PCDHGA10: variants seen among roughly 807,000 people sequenced by gnomAD.
PCDHGA10 encodes protocadherin gamma subfamily A, 10.
A neutral mutation model predicts 59.5 loss-of-function variants in PCDHGA10; 42 were observed. The ratio of observed to expected loss-of-function variants is 0.71; its 90% confidence interval spans 0.55 to 0.91. The LOEUF (loss-of-function observed/expected upper bound fraction) is 0.91, where lower values mean the gene tolerates loss of function less well. Among genes scored for constraint, PCDHGA10 ranks in the 40% least tolerant of loss-of-function variants. The probability of loss-of-function intolerance (pLI) is 0.00; values close to 1 mark genes in which losing one functional copy is unlikely to be tolerated. For synonymous variants in PCDHGA10, 511 were observed against 517.2 expected (o/e 0.99, Z 0.16); for missense variants, 1,111 against 1,198.2 (o/e 0.93, Z 1.07).
At chr5:141,428,455 T>C (rs898393760) in intron 1 of PCDHGA10, 61 of 361,572 alleles carry the variant, frequency 1.7e-4, no homozygotes, top group African/African-American at 1.2e-3. Context: ...TTTTCCCAAC[T>C]ACAATGAGGG....
At chr5:141,423,424 T>C in intron 1 of PCDHGA10, 1 of 1,614,004 alleles carries the variant, frequency 6.2e-7, no homozygotes, top group Non-Finnish European at 8.5e-7. Flanking sequence ...TGAAGGCGGG[T>C]TGGCAGGTAT....
chr5:141,466,039 A>G (rs926979550), intron 1 of PCDHGA10, among the ~76,000 whole-genome samples: 1 of 152,122 alleles, frequency 6.6e-6, no homozygotes, highest in Non-Finnish European at 1.5e-5. Context: ...GGAGAACGGC[A>G]TGAACCCAGG....
chr5:141,421,457 C>T (rs377073702), intron 1 of PCDHGA10: 9 of 1,614,014 alleles, frequency 5.6e-6, no homozygotes, highest in African/African-American at 2.7e-5. Flanking sequence ...CAGCTTTTCG[C>T]TGTGAATCCG....
At position 141,491,735 on chromosome 5, in the gene PCDHGA10, G is replaced by C. The variant is rs765837152; in HGVS notation, c.2437-3072G>C. ...TCGGCGCCGCCCCGGGCGACCCCTG[G>C]GGGCGGCACTGGAGAAGCCGCCCGT... On this transcript the variant is annotated intron_variant, in intron 1 of 3. Coordinates refer to ENST00000398610, the MANE Select transcript of PCDHGA10 (RefSeq NM_018913.3). The surrounding 1 kb of genome is among the most constrained non-coding windows in gnomAD (Gnocchi z 6.9). 2.5e-6 allele frequency: 4 copies of C among 1,601,968 alleles called. No homozygotes were observed. In the South Asian group the frequency reaches 4.4e-5, roughly 18 times the overall value.
intron 1 of PCDHGA10, among the ~76,000 whole-genome samples, chr5:141,438,828 A>T (rs1364963084): frequency 6.7e-6 from 1 of 149,956 alleles, no homozygotes; most frequent in Non-Finnish European, 1.5e-5. Context: ...TGCCCAGCTA[A>T]TTTTTTAAAA....
At chr5:141,433,694 G>T (rs539494151) in intron 1 of PCDHGA10, among the ~76,000 whole-genome samples, 1 of 152,126 alleles carries the variant, frequency 6.6e-6, no homozygotes, top group South Asian at 2.1e-4. Flanking sequence ...AAAATTAGCC[G>T]GGCGTGGTGG....
chr5:141,428,168 C>A, intron 1 of PCDHGA10: 1 of 1,551,608 alleles, frequency 6.4e-7, no homozygotes, highest in Non-Finnish European at 8.8e-7. Context: ...GGTTGCTGTG[C>A]GTGACGGAGG....
chr5:141,476,098 G>A lies in PCDHGA10; in HGVS notation c.2437-18709G>A, dbSNP rs1241353656. The A allele has an allele frequency of 4.5e-6, 7 of 1,573,026 alleles. No homozygotes were observed. Among genetic ancestry groups the A allele is most frequent in the Non-Finnish European group, 6.0e-6 (7 of 1,163,102 alleles). ...AGGGACGATCTGGACCCCGCTGAGA[G>A]GAACTGCTTTTGAGTGAGATGGTCC... On this transcript the variant is annotated intron_variant, in intron 1 of 3. Transcript: ENST00000398610. This position sits in a 1 kb window ranked among gnomAD's most constrained non-coding sequence, Gnocchi z 7.6.
At chr5:141,437,999 C>T (rs1230507077) in intron 1 of PCDHGA10, among the ~76,000 whole-genome samples, 1 of 152,062 alleles carries the variant, frequency 6.6e-6, no homozygotes, top group African/African-American at 2.4e-5. Flanking sequence ...CCTCAGCCTC[C>T]CAAATAGCTG....
chr5:141,421,467 G>T (rs1436543181), intron 1 of PCDHGA10: 1 of 1,614,132 alleles, frequency 6.2e-7, no homozygotes, highest in South Asian at 1.1e-5. Flanking sequence ...CTGTGAATCC[G>T]CGAAGCGGCA....
chr5:141,433,194 A>G (rs1170543558), intron 1 of PCDHGA10: 18 of 1,585,754 alleles, frequency 1.1e-5, no homozygotes, highest in Non-Finnish European at 1.5e-5. Context: ...GTGAGTTTAT[A>G]TCAAATCTTC....
At position 141,486,616 on chromosome 5, in the gene PCDHGA10, C is replaced by T. The variant is rs759167270; in HGVS notation, c.2437-8191C>T. On this transcript the variant is annotated intron_variant, in intron 1 of 3. Coordinates refer to ENST00000398610, the MANE Select transcript of PCDHGA10 (RefSeq NM_018913.3). The surrounding 1 kb of genome is among the most constrained non-coding windows in gnomAD (Gnocchi z 5.0). ...TGCTTTGCTCCCTTGCAGCCTCTGA[C>T]CCAGACTCTGGCTTGAATGCGCTTA... is the stretch of plus-strand genomic sequence containing the variant. 2 of 1,613,500 alleles carry T rather than the reference C, an allele frequency of 1.2e-6. No individual in the cohort carries two copies. The highest frequency in any genetic ancestry group is 3.3e-5 in the Admixed American group (2 of 60,004).
In PCDHGA10 at chr5:141,490,963, G is replaced by GC; in HGVS notation, c.2437-3838dup. 6.2e-7 allele frequency: 1 copy of GC among 1,613,760 alleles called. No individual in the cohort carries two copies. On this transcript the variant is annotated intron_variant, in intron 1 of 3. Transcript: ENST00000398610. This position sits in a 1 kb window ranked among gnomAD's most constrained non-coding sequence, Gnocchi z 5.4. ...CCCACGGCCAGACTGGGAACACTCA[G>GC]CCCCCCAGCGTCTCCCTCGCTCTGC...
intron 1 of PCDHGA10, chr5:141,417,732 C>G (rs2096153715): frequency 4.3e-6 from 6 of 1,390,462 alleles, no homozygotes; most frequent in Non-Finnish European, 3.8e-6. Flanking sequence ...AGACCTTGCC[C>G]AGCACACCAG....
chr5:141,419,435 C>T, intron 1 of PCDHGA10: 1 of 1,613,226 alleles, frequency 6.2e-7, no homozygotes, highest in Non-Finnish European at 8.5e-7. Context: ...CGAGCAGCTG[C>T]GCACCTTCGA....
At chr5:141,422,301 G>A (rs777697738) in intron 1 of PCDHGA10, 36 of 1,549,184 alleles carry the variant, frequency 2.3e-5, no homozygotes, top group Non-Finnish European at 3.1e-5. Flanking sequence ...ATTCAATTCT[G>A]GAAAACTCTC....
At chr5:141,502,914 T>G (rs78646636) in intron 2 of PCDHGA10, among the ~76,000 whole-genome samples, 4,865 of 139,540 alleles carry the variant, frequency 0.035, 119 homozygotes, top group South Asian at 0.075. Flanking sequence ...CAGGCTGGAG[T>G]GCAGTGGCAA....
At chr5:141,415,737 A>G in intron 1 of PCDHGA10, 126 bp downstream of exon 1, 1 of 574,948 alleles carries the variant, frequency 1.7e-6, no homozygotes, top group Non-Finnish European at 2.5e-6. Flanking sequence ...GATGTTTATT[A>G]AGGTTTTTTT....
Position 141,490,710 on chromosome 5 carries a change from C to G in PCDHGA10, c.2437-4097C>G, listed in dbSNP as rs1158575765. On this transcript the variant is annotated intron_variant, in intron 1 of 3. Coordinates refer to ENST00000398610, the MANE Select transcript of PCDHGA10 (RefSeq NM_018913.3). The surrounding 1 kb of genome is among the most constrained non-coding windows in gnomAD (Gnocchi z 5.4). ...ACACTGGGGATAATGCCCGCCTCAC[C>G]TACTCCATTGTAGGAAATCAGGTTC... 6.2e-7 allele frequency: 1 copy of G among 1,614,208 alleles called. No homozygotes were observed. The highest frequency in any genetic ancestry group is 8.5e-7 in the Non-Finnish European group (1 of 1,180,030).
Sources: gnomAD v4.1 joint callset for allele counts (sites outside exome capture counted in the v4.1 genomes callset) on GRCh38, gnomAD v4.1.1 for gene constraint, Gnocchi (gnomAD v3.1) non-coding constraint, MANE v1.5 for transcripts, NCBI Gene and HGNC (gene_info 2026-07-23, HGNC 2026-07-21) for gene names.